The following GPC6 variants were observed in gnomAD, a reference collection of about 807,000 sequenced individuals.
GPC6 encodes the protein glypican 6.
In GPC6, 14 loss-of-function variants were observed where a neutral mutation model predicts 55.2. The ratio of observed to expected loss-of-function variants is 0.25; its 90% CI spans 0.17 to 0.40. GPC6 has a LOEUF of 0.40. Ranked by LOEUF, GPC6 falls within the 10% of genes least tolerant of loss-of-function variation. The pLI, the probability that GPC6 is intolerant of heterozygous loss-of-function variation, is 1.00. For synonymous variants in GPC6, 278 were observed against 259.6 expected (o/e 1.07, Z -0.68); for missense variants, 641 against 708.5 (o/e 0.90, Z 1.08).
intron 3 of GPC6, among the ~76,000 whole-genome samples, chr13:93,988,997 C>G (rs140480642): frequency 8.3e-4 from 126 of 152,186 alleles, no homozygotes; most frequent in Non-Finnish European, 5.6e-4. Flanking sequence ...TTCAGTTAAT[C>G]CTCACATAAA....
intron 2 of GPC6, among the ~76,000 whole-genome samples, chr13:93,668,181 T>G (rs1228250483): frequency 6.6e-6 from 1 of 152,218 alleles, no homozygotes; most frequent in Non-Finnish European, 1.5e-5. Flanking sequence ...TGACTCCTGC[T>G]CTCAACTGTA....
At chr13:93,223,575 C>T (rs1400074015), upstream of GPC6, among the ~76,000 whole-genome samples, 21 of 152,186 alleles carry the variant, frequency 1.4e-4, no homozygotes, top group African/African-American at 4.8e-4. Flanking sequence ...TCCCAAGTAG[C>T]TGGGACTGCA....
At chr13:94,341,070 G>T (rs1283071335) in intron 6 of GPC6, among the ~76,000 whole-genome samples, 2 of 152,114 alleles carry the variant, frequency 1.3e-5, no homozygotes, top group Non-Finnish European at 2.9e-5. Flanking sequence ...AAATGCACAG[G>T]TTATCATTAT....
intron 3 of GPC6, among the ~76,000 whole-genome samples, chr13:93,867,627 TCA>T (rs1262121388): frequency 6.6e-6 from 1 of 151,744 alleles, no homozygotes; most frequent in Non-Finnish European, 1.5e-5. Context: ...ATGGATGGAA[TCA>T]ACACTCCATC....
chr13:94,398,405 A>G lies in GPC6; in HGVS notation c.1290-61A>G, dbSNP rs148825568. ...CAGTCATCTGGTTTTGCATGGCAGCATCTGGTTTTACAGTTTCTGTGGCAT... is the reference window on the plus strand; with the variant it reads ...CAGTCATCTGGTTTTGCATGGCAGCGTCTGGTTTTACAGTTTCTGTGGCAT... On this transcript the variant is annotated intron_variant, in intron 7 of 8. Transcript: ENST00000377047. The G allele has an allele frequency of 6.5e-4, 819 of 1,252,510 alleles. 6 individuals are homozygous for G. In the African/African-American group the frequency reaches 0.011, roughly 17 times the overall value. 77.6% of individuals were successfully genotyped at this position (1,252,510 alleles called of 1,614,324 possible).
intron 2 of GPC6, among the ~76,000 whole-genome samples, chr13:93,609,648 A>G (rs1452976026): frequency 1.3e-5 from 2 of 152,134 alleles, no homozygotes; most frequent in Non-Finnish European, 2.9e-5. Context: ...AAAAATTCCT[A>G]TGTGACTTGT....
intron 2 of GPC6, among the ~76,000 whole-genome samples, chr13:93,660,380 T>C (rs1880871918): frequency 6.6e-6 from 1 of 152,164 alleles, no homozygotes; most frequent in Non-Finnish European, 1.5e-5. Flanking sequence ...GTCAGTAAAT[T>C]ATGGATTAAC....
intron 1 of GPC6, among the ~76,000 whole-genome samples, chr13:93,295,290 C>CAAAAAAAA (rs67379652): frequency 6.0e-5 from 4 of 66,686 alleles, no homozygotes; most frequent in African/African-American, 1.5e-4. Flanking sequence ...GACCCTGTCT[C>CAAAAAAAA]AAAAAAAAAA....
chr13:94,353,183 G>A (rs1339522954), intron 6 of GPC6, among the ~76,000 whole-genome samples: 1 of 152,140 alleles, frequency 6.6e-6, no homozygotes, highest in Non-Finnish European at 1.5e-5. Flanking sequence ...CCATCACAGA[G>A]CGCGACTTTC....
chr13:93,928,856 TACACACACAC>T (rs10642875), intron 3 of GPC6, among the ~76,000 whole-genome samples: 76 of 143,000 alleles, frequency 5.3e-4, no homozygotes, highest in Middle Eastern at 3.5e-3. Flanking sequence ...CCCTGTGTGT[TACACACACAC>T]ACACACACAC....
intron 1 of GPC6, among the ~76,000 whole-genome samples, chr13:93,231,921 T>C (rs1003551093): frequency 1.1e-4 from 17 of 152,180 alleles, no homozygotes; most frequent in African/African-American, 3.4e-4. Flanking sequence ...TGATATTAAT[T>C]TATCAAGTAT....
chr13:94,142,466 T>C (rs1887414652), intron 4 of GPC6, among the ~76,000 whole-genome samples: 1 of 152,240 alleles, frequency 6.6e-6, no homozygotes, highest in South Asian at 2.1e-4. Context: ...TAAAACTTTA[T>C]CCATAATCTC....
chr13:93,274,713 A>T (rs922849954), intron 1 of GPC6, among the ~76,000 whole-genome samples: 2 of 152,188 alleles, frequency 1.3e-5, no homozygotes, highest in Non-Finnish European at 2.9e-5. Context: ...CTATGATTTT[A>T]TGCTATCAGA....
intron 2 of GPC6, among the ~76,000 whole-genome samples, chr13:93,675,844 A>T (rs1326769479): frequency 6.6e-6 from 1 of 152,014 alleles, no homozygotes; most frequent in Non-Finnish European, 1.5e-5. Context: ...GCATCCCATA[A>T]CTGTTTGATT....
At chr13:93,427,384 TACTGGTACCAAA>T in intron 1 of GPC6, among the ~76,000 whole-genome samples, 1 of 151,742 alleles carries the variant, frequency 6.6e-6, no homozygotes, top group Admixed American at 6.6e-5. Flanking sequence ...AACAGCATGG[TACTGGTACCAAA>T]ACAGAGATAT....
At chr13:93,588,981 G>A (rs766343836) in intron 2 of GPC6, among the ~76,000 whole-genome samples, 35 of 152,008 alleles carry the variant, frequency 2.3e-4, no homozygotes, top group Admixed American at 4.6e-4. Context: ...AGGGTGTGGT[G>A]GATATACCTC....
intron 1 of GPC6, among the ~76,000 whole-genome samples, chr13:93,347,706 G>T (rs1309533910): frequency 6.6e-6 from 1 of 152,122 alleles, no homozygotes; most frequent in Non-Finnish European, 1.5e-5. Context: ...TGCAAGCTTT[G>T]ATCTTTATTA....
intron 4 of GPC6, among the ~76,000 whole-genome samples, chr13:94,167,760 G>T (rs560723330): frequency 6.6e-6 from 1 of 151,994 alleles, no homozygotes; most frequent in South Asian, 2.1e-4. Flanking sequence ...TATGAGGGAA[G>T]AGGAAGAGGA....
intron 1 of GPC6, among the ~76,000 whole-genome samples, chr13:93,297,051 A>G (rs1878520744): frequency 6.6e-6 from 1 of 152,166 alleles, no homozygotes; most frequent in Non-Finnish European, 1.5e-5. Context: ...CCTGTCCTTC[A>G]GCTTCAGCCG....
Sources: allele counts gnomAD v4.1 joint callset (sites outside exome capture counted in the v4.1 genomes callset), GRCh38; gene constraint gnomAD v4.1.1; transcripts MANE v1.5; gene names NCBI Gene and HGNC (gene_info 2026-07-23, HGNC 2026-07-21).